The following USB1 variants were observed in gnomAD, a reference collection of about 807,000 sequenced individuals.
USB1 encodes the protein U6 snRNA phosphodiesterase 1.
Under a neutral mutation model 29.9 loss-of-function variants are expected in USB1, and 21 were observed. The observed-to-expected ratio is 0.70, with a 90% CI of 0.50 to 1.01. The LOEUF is 1.01. Among genes scored for constraint, USB1 ranks in the 50% least tolerant of loss-of-function variants. The probability of loss-of-function intolerance (pLI) is 0.00; values close to 1 mark genes in which losing one functional copy is unlikely to be tolerated. For missense variants in USB1, 330 were observed against 347.1 expected (o/e 0.95, Z 0.39); for synonymous variants, 143 against 134.9 (o/e 1.06, Z -0.42).
chr16:58,018,892 AGCTCTGTCACAGACCT>A (rs1963678636), intron 5 of USB1, 64 bp from the exon 6 acceptor site: 2 of 1,417,422 alleles, frequency 1.4e-6, no homozygotes, highest in Non-Finnish European at 2.0e-6. Context: ...ATGTCACGAC[AGCTCTGTCACAGACCT>A]GCTGTGAGGG....
Position 58,017,364 on chromosome 16 carries a change from G to A in USB1, c.534G>A (p.Gly178=). The change falls in exon 5 of 7, where the codon GGG becomes GGA. Residue 178 remains glycine (G), a synonymous_variant. Coordinates refer to ENST00000219281, the MANE Select transcript of USB1 (RefSeq NM_024598.4). ...TTATTGGGCTTGAGGTCACTTCAGG[G>A]CATGCCCAGTTCCTGGACCTGGTTT... ...RTFIGLEVTS[G]HAQFLDLVSE... is the part of the protein sequence containing the mutation. 8 of 1,614,208 alleles carry A rather than the reference G, an allele frequency of 5.0e-6. No individual in the cohort carries two copies. The highest frequency in any genetic ancestry group is 6.8e-6 in the Non-Finnish European group (8 of 1,180,028).
At chr16:58,000,720 G>C (rs1424723515), upstream of USB1, among the ~76,000 whole-genome samples, 2 of 150,938 alleles carry the variant, frequency 1.3e-5, no homozygotes, top group African/African-American at 4.8e-5. This position sits in a 1 kb window ranked among gnomAD's most constrained non-coding sequence, Gnocchi z 4.5. Flanking sequence ...CGGGGGAGGA[G>C]CGGCATCCCG....
At chr16:58,000,055 G>C (rs926296197), upstream of USB1, among the ~76,000 whole-genome samples, 2 of 152,110 alleles carry the variant, frequency 1.3e-5, no homozygotes, top group East Asian at 3.9e-4. This position sits in a 1 kb window ranked among gnomAD's most constrained non-coding sequence, Gnocchi z 4.5. Context: ...GCCCCACCCC[G>C]TCTCTTCTTC....
intron 5 of USB1, 152 bp downstream of exon 5, chr16:58,017,591 G>A (rs955987623): frequency 1.5e-5 from 11 of 740,432 alleles, no homozygotes; most frequent in Admixed American, 4.1e-5. Flanking sequence ...TGCACACCTC[G>A]GGGGGTGAGG....
Position 58,001,438 on chromosome 16 carries a change from T to C in USB1, c.-46T>C, listed in dbSNP as rs748260509. The C allele has an allele frequency of 6.4e-7, 1 of 1,560,562 alleles. No individual in the cohort carries two copies. The highest frequency in any genetic ancestry group is 8.7e-7 in the Non-Finnish European group (1 of 1,152,642). Reference sequence around the variant, plus strand: ...GGCACAGCGGAACTCCGGGTGCCGGTTGAGGTTGCTGGTGGACCTGCTCTG... The same window carrying C: ...GGCACAGCGGAACTCCGGGTGCCGGCTGAGGTTGCTGGTGGACCTGCTCTG... On this transcript the variant is annotated 5_prime_UTR_variant, in exon 1 of 7. Transcript: ENST00000219281.
chr16:58,018,676 C>G (rs953726196), intron 5 of USB1, among the ~76,000 whole-genome samples: 7 of 152,104 alleles, frequency 4.6e-5, no homozygotes, highest in Admixed American at 4.6e-4. Context: ...GCCCTCATGA[C>G]CTCATCTAAC....
chr16:58,001,402 A>T, upstream of USB1: 2 of 1,501,926 alleles, frequency 1.3e-6, no homozygotes, highest in Non-Finnish European at 1.8e-6. Flanking sequence ...CGCCCCTGGG[A>T]GGGCGCTTCC....
chr16:58,011,496 C>T, intron 3 of USB1: 1 of 1,014,978 alleles, frequency 9.9e-7, no homozygotes, highest in Non-Finnish European at 1.2e-6. Context: ...TTCACTGAGG[C>T]TCTCCCGGTT....
At position 58,009,930 on chromosome 16, in the gene USB1, T is replaced by C. The variant is rs771096742; in HGVS notation, c.267T>C (p.Tyr89=). 1.2e-6 allele frequency: 2 copies of C among 1,613,712 alleles called. No individual in the cohort carries two copies. The highest frequency in any genetic ancestry group is 1.1e-5 in the South Asian group (1 of 91,062). Residue 89 remains tyrosine, a splice_region_variant and synonymous_variant, in exon 3 of 7, where the codon TAT becomes TAC. Coordinates refer to ENST00000219281, the MANE Select transcript of USB1 (RefSeq NM_024598.4). The part of the protein sequence containing the change: ...GNWATHVYVP[Y]EAKEEFLDLL... ...GCCCTCTTTACTCCTCCCCTCCAGA[T>C]GAAGCCAAGGAGGAGTTCCTGGATC...
chr16:58,012,932 G>A, intron 3 of USB1: 2 of 986,394 alleles, frequency 2.0e-6, no homozygotes, highest in Non-Finnish European at 2.4e-6. Flanking sequence ...TGATCCCTGT[G>A]GGATGTATAT....
At chr16:58,016,730 C>T (rs1176261775) in intron 4 of USB1, 1 of 174,326 alleles carries the variant, frequency 5.7e-6, no homozygotes, top group African/African-American at 2.4e-5. Context: ...GCGAAGTGTC[C>T]CTTGGATTTG....
intron 2 of USB1, among the ~76,000 whole-genome samples, chr16:58,008,392 G>A (rs1203212439): frequency 6.7e-6 from 1 of 148,380 alleles, no homozygotes; most frequent in Non-Finnish European, 1.5e-5. Context: ...TAAATTTGCT[G>A]TTGTTTTTCT....
chr16:58,012,854 C>T, intron 3 of USB1: 1 of 988,350 alleles, frequency 1.0e-6, no homozygotes, highest in Non-Finnish European at 1.2e-6. Flanking sequence ...ACAGTGGTTC[C>T]TTAACTGGGC....
chr16:58,018,099 G>A (rs908297808), intron 5 of USB1, among the ~76,000 whole-genome samples: 18 of 152,144 alleles, frequency 1.2e-4, no homozygotes, highest in African/African-American at 4.3e-4. Context: ...CTGTGAATAC[G>A]ACTGTCTTAG....
chr16:58,002,307 A>T (rs981822829), intron 1 of USB1, among the ~76,000 whole-genome samples, 172 bp from the exon 2 acceptor site: 2 of 152,168 alleles, frequency 1.3e-5, no homozygotes, highest in African/African-American at 4.8e-5. Flanking sequence ...GGAGACCCCA[A>T]TGAGACAATA....
chr16:58,001,702 G>T, intron 1 of USB1, 121 bp downstream of exon 1: 1 of 1,148,670 alleles, frequency 8.7e-7, no homozygotes, highest in Non-Finnish European at 1.3e-6. Context: ...AAGGAAAAGG[G>T]GACGCAGGAA....
chr16:58,006,262 G>A (rs892488577), intron 2 of USB1, among the ~76,000 whole-genome samples: 2 of 147,062 alleles, frequency 1.4e-5, no homozygotes, highest in Admixed American at 1.4e-4. Context: ...TGAGGTAGGA[G>A]AATCACTTGA....
chr16:58,020,434 CTT>C lies in USB1; in HGVS notation c.*190_*191del, dbSNP rs1567424515. 1.6e-6 allele frequency: 1 copy of C among 638,680 alleles called. No individual in the cohort carries two copies. The highest frequency in any genetic ancestry group is 1.8e-5 in the African/African-American group (1 of 54,946). The allele number at this position is 638,680 out of a possible 1,614,324, so 39.6% of individuals were successfully genotyped here. On this transcript the variant is annotated 3_prime_UTR_variant, in exon 7 of 7. Coordinates refer to ENST00000219281, the MANE Select transcript of USB1 (RefSeq NM_024598.4). ...ATTCTCTCTCTCTCTTTCTCTTCCTCTTCTTTCTCTCTCTTCTCCTCTCTTTC... is the reference window on the plus strand; with the variant it reads ...ATTCTCTCTCTCTCTTTCTCTTCCTCCTTTCTCTCTCTTCTCCTCTCTTTC...
In USB1 at chr16:58,013,298, A is replaced by G; in HGVS notation, c.450-975A>G. ...GGGAGACACCTTGAGAACTCTTCCT[A>G]AAAGCTGCACTTAACCAAGCTCCTG... On this transcript the variant is annotated intron_variant, in intron 3 of 6. Transcript: ENST00000219281. This position sits in a 1 kb window ranked among gnomAD's most constrained non-coding sequence, Gnocchi z 4.3. The G allele has an allele frequency of 2.0e-6, 2 of 985,448 alleles. No individual in the cohort carries two copies. The highest frequency in any genetic ancestry group is 2.4e-6 in the Non-Finnish European group (2 of 829,932). The allele number at this position is 985,448 out of a possible 1,614,324, so 61.0% of individuals were successfully genotyped here.
Sources: gnomAD v4.1 joint callset for allele counts (sites outside exome capture counted in the v4.1 genomes callset) on GRCh38, gnomAD v4.1.1 for gene constraint, Gnocchi (gnomAD v3.1) non-coding constraint, MANE v1.5 for transcripts, NCBI Gene and HGNC (gene_info 2026-07-23, HGNC 2026-07-21) for gene names.